Variants in PCBP3 observed in about 807,000 individuals in gnomAD.
The protein encoded by PCBP3 is poly(rC)-binding protein 3.
Under a neutral mutation model 52.7 loss-of-function variants are expected in PCBP3, and 25 were observed. The observed-to-expected ratio is 0.47, with a 90% confidence interval of 0.35 to 0.66. PCBP3 has a LOEUF of 0.66. PCBP3 is among the 30% of genes least tolerant of loss of function. The probability of loss-of-function intolerance (pLI) is 0.01; values close to 1 mark genes in which losing one functional copy is unlikely to be tolerated. For synonymous variants in PCBP3, 162 were observed against 183.0 expected (o/e 0.89, Z 0.93); for missense variants, 391 against 490.3 (o/e 0.80, Z 1.91).
chr21:45,754,265 G>A (rs551998674), intron 3 of PCBP3, among the ~76,000 whole-genome samples: 1 of 152,156 alleles, frequency 6.6e-6, no homozygotes, highest in African/African-American at 2.4e-5. Flanking sequence ...GTTATGATAA[G>A]AATAGTTCAA....
chr21:45,833,923 A>G (rs984369864), intron 4 of PCBP3, among the ~76,000 whole-genome samples: 38 of 152,190 alleles, frequency 2.5e-4, no homozygotes, highest in African/African-American at 8.4e-4. Flanking sequence ...GTTTTTTTAA[A>G]TGTTGGAAAC....
chr21:45,928,184 C>T lies in PCBP3; in HGVS notation c.718-1733C>T, dbSNP rs1470373296. Among the ~76,000 whole-genome samples, 7 of 152,216 alleles carry T rather than the reference C, an allele frequency of 4.6e-5. No homozygotes were observed. Among genetic ancestry groups the T allele is most frequent in the African/African-American group, 7.2e-5 (3 of 41,464 alleles). On this transcript the variant is annotated intron_variant, in intron 13 of 17. Coordinates refer to ENST00000681687, the MANE Select transcript of PCBP3 (RefSeq NM_001384156.1). The surrounding 1 kb of genome is among the most constrained non-coding windows in gnomAD (Gnocchi z 4.1). The stretch of plus-strand genomic sequence containing the variant: ...TGTATCTCCGGGAGGTAGACTGTCC[C>T]GGTGACTTCAGCTGGTGTCCTTGGG...
intron 13 of PCBP3, among the ~76,000 whole-genome samples, chr21:45,920,724 G>A (rs910904532): frequency 2.6e-5 from 4 of 152,124 alleles, no homozygotes; most frequent in African/African-American, 4.8e-5. Flanking sequence ...TCAGAGAGTG[G>A]CCTCCCCTCC....
chr21:45,643,771 G>T lies in PCBP3; in HGVS notation c.-376G>T, dbSNP rs989484616. The stretch of plus-strand genomic sequence containing the variant: ...GTCGCCGCCGCTTCGGCTGACTTAG[G>T]CTCCGCCGCCGCCTCCTCACCCGCC... On this transcript the variant is annotated 5_prime_UTR_variant, in exon 1 of 18. Coordinates refer to ENST00000681687, the MANE Select transcript of PCBP3 (RefSeq NM_001384156.1). 1 of 148,292 alleles carries T rather than the reference G, an allele frequency of 6.7e-6. No individual in the cohort carries two copies. Among genetic ancestry groups the T allele is most frequent in the Non-Finnish European group, 1.5e-5 (1 of 66,580 alleles). The allele number at this position is 148,292 out of a possible 1,614,324, so 9.2% of individuals were successfully genotyped here.
rs1014630474 is a variant in PCBP3, at chr21:45,737,381, T to C, written c.-162+1952T>C. ...CTTTGTAATCTTACAAATCTGGATC[T>C]AATTTTCACCAAACTCTCAAGGGAA... On this transcript the variant is annotated intron_variant, in intron 3 of 17. Transcript: ENST00000681687. This position sits in a 1 kb window ranked among gnomAD's most constrained non-coding sequence, Gnocchi z 4.9. Among the ~76,000 whole-genome samples the C allele has an allele frequency of 6.6e-6, 1 of 152,250 alleles. No individual in the cohort carries two copies. Among genetic ancestry groups the C allele is most frequent in the Non-Finnish European group, 1.5e-5 (1 of 68,040 alleles).
chr21:45,934,203 C>A (rs1175125169), intron 15 of PCBP3, among the ~76,000 whole-genome samples: 1 of 152,068 alleles, frequency 6.6e-6, no homozygotes, highest in Admixed American at 6.5e-5. Flanking sequence ...TCTCCAGGGC[C>A]CAGGCTGAGC....
chr21:45,876,511 T>G (rs1219994146), intron 5 of PCBP3, among the ~76,000 whole-genome samples: 1 of 152,170 alleles, frequency 6.6e-6, no homozygotes, highest in Non-Finnish European at 1.5e-5. Flanking sequence ...GGGAGCAGGC[T>G]GTTCAGAATG....
intron 2 of PCBP3, among the ~76,000 whole-genome samples, chr21:45,694,351 G>A (rs2082648704): frequency 6.6e-6 from 1 of 152,282 alleles, no homozygotes; most frequent in South Asian, 2.1e-4. Flanking sequence ...AAGCAAGGAT[G>A]TAGTTAGGTT....
rs138107859 is a variant in PCBP3, at chr21:45,809,692, C to G, written c.-125-40269C>G. Among the ~76,000 whole-genome samples the G allele has an allele frequency of 2.0e-5, 3 of 152,372 alleles. No individual in the cohort carries two copies. The South Asian group carries it at 6.2e-4, about 32-fold the overall frequency. On this transcript the variant is annotated intron_variant, in intron 4 of 17. Coordinates refer to ENST00000681687, the MANE Select transcript of PCBP3 (RefSeq NM_001384156.1). Reference sequence around the variant, plus strand: ...GCAGATGCCAGCAGCTGCTATGCTGCGATCCGGGTCGGGGCAAGGCCCTCT... The same window carrying G: ...GCAGATGCCAGCAGCTGCTATGCTGGGATCCGGGTCGGGGCAAGGCCCTCT...
intron 15 of PCBP3, 134 bp from the exon 16 acceptor site, chr21:45,935,119 G>C (rs1216078832): frequency 1.6e-6 from 1 of 634,444 alleles, no homozygotes; most frequent in African/African-American, 1.8e-5. Context: ...GGCCCTCTGG[G>C]CTGTGCTGAC....
intron 2 of PCBP3, among the ~76,000 whole-genome samples, chr21:45,702,525 C>CTA (rs1303996223): frequency 6.6e-6 from 1 of 152,162 alleles, no homozygotes; most frequent in East Asian, 1.9e-4. Flanking sequence ...ACACTCTAGT[C>CTA]TATTGTGTGC....
chr21:45,819,632 G>A (rs920448853), intron 4 of PCBP3, among the ~76,000 whole-genome samples: 1 of 152,256 alleles, frequency 6.6e-6, no homozygotes, highest in East Asian at 1.9e-4. Context: ...TGATGGTAGT[G>A]TAGATTCTAC....
intron 4 of PCBP3, among the ~76,000 whole-genome samples, chr21:45,766,097 C>T (rs901836020): frequency 3.3e-5 from 5 of 152,214 alleles, no homozygotes; most frequent in Admixed American, 6.5e-5. Context: ...CGTACAACAT[C>T]GTCATCCACG....
At chr21:45,908,071 T>A (rs935794297) in intron 9 of PCBP3, among the ~76,000 whole-genome samples, 1 of 152,196 alleles carries the variant, frequency 6.6e-6, no homozygotes, top group African/African-American at 2.4e-5. Context: ...CTTATTATCT[T>A]TCTTTTTTAA....
intron 9 of PCBP3, among the ~76,000 whole-genome samples, chr21:45,903,659 G>A (rs1409851848): frequency 6.6e-6 from 1 of 152,198 alleles, no homozygotes; most frequent in African/African-American, 2.4e-5. Context: ...CATCAACAGA[G>A]GTGGATGACA....
At chr21:45,664,703 T>G (rs2080665975) in intron 1 of PCBP3, among the ~76,000 whole-genome samples, 1 of 151,226 alleles carries the variant, frequency 6.6e-6, no homozygotes, top group African/African-American at 2.4e-5. Context: ...GCCATGCTGG[T>G]GCGCTGCACC....
At chr21:45,876,620 G>A (rs1325007616) in intron 5 of PCBP3, among the ~76,000 whole-genome samples, 2 of 152,232 alleles carry the variant, frequency 1.3e-5, no homozygotes, top group African/African-American at 2.4e-5. Flanking sequence ...GCCCTGGGTA[G>A]CCTCAGGGAC....
At chr21:45,912,834 C>T (rs907822669) in intron 11 of PCBP3, among the ~76,000 whole-genome samples, 6 of 152,132 alleles carry the variant, frequency 3.9e-5, no homozygotes, top group African/African-American at 1.2e-4. Context: ...AGGCCCAGCT[C>T]AAGTCAGCCC....
chr21:45,743,194 T>A (rs2086577326), intron 3 of PCBP3, among the ~76,000 whole-genome samples: 2 of 152,236 alleles, frequency 1.3e-5, no homozygotes, highest in Admixed American at 6.5e-5. Flanking sequence ...ATTGCATTTA[T>A]CAAATATTTA....
Sources: gnomAD v4.1 joint callset for allele counts (sites outside exome capture counted in the v4.1 genomes callset) on GRCh38, gnomAD v4.1.1 for gene constraint, Gnocchi (gnomAD v3.1) non-coding constraint, MANE v1.5 for transcripts, NCBI Gene and HGNC (gene_info 2026-07-23, HGNC 2026-07-21) for gene names.